TRPM2: variants seen among roughly 807,000 people sequenced by gnomAD.
TRPM2 encodes the protein estrogen-responsive element-associated gene 1 protein.
In TRPM2, 161 loss-of-function variants were observed where a neutral mutation model predicts 174.0. The ratio of observed to expected loss-of-function variants is 0.93; its 90% CI spans 0.81 to 1.05. The LOEUF (loss-of-function observed/expected upper bound fraction) is 1.05. TRPM2 is among the 50% of genes least tolerant of loss of function. The probability of loss-of-function intolerance (pLI) is 0.00; values close to 1 mark genes in which losing one functional copy is unlikely to be tolerated. For missense variants in TRPM2, 2,057 were observed against 2,038.0 expected (o/e 1.01, Z -0.18); for synonymous variants, 954 against 861.3 (o/e 1.11, Z -1.88).
rs372839724 is a variant in TRPM2, at chr21:44,382,855, A to G, written c.1318+35A>G. 2.4e-4 allele frequency: 378 copies of G among 1,583,092 alleles called. No homozygotes were observed. Among genetic ancestry groups the G allele is most frequent in the Admixed American group, 4.5e-4 (26 of 57,312 alleles). On this transcript the variant is annotated intron_variant, in intron 9 of 31. Coordinates refer to ENST00000397928, the MANE Select transcript of TRPM2 (RefSeq NM_003307.4). ...AGGGAACATGGGGGCAATGGGGTGG[A>G]GGCCAGAACGTGAGCTCTGAGGACG...
chr21:44,379,222 A>G (rs1400444191), intron 8 of TRPM2, 25 bp downstream of exon 8: 3 of 1,607,458 alleles, frequency 1.9e-6, no homozygotes, highest in Non-Finnish European at 2.5e-6. Context: ...CACGACGGTC[A>G]CCAGCATGTG....
chr21:44,353,612 T>C (rs926055339), upstream of TRPM2: 22 of 1,368,048 alleles, frequency 1.6e-5, no homozygotes, highest in Non-Finnish European at 2.0e-5. Context: ...AACCACCCCA[T>C]GTGTCTCTAG....
At position 44,366,559 on chromosome 21, in the gene TRPM2, G is replaced by A. The variant is rs2048367710; in HGVS notation, c.424-195G>A. Among the ~76,000 whole-genome samples the A allele has an allele frequency of 6.6e-6, 1 of 152,186 alleles. No homozygotes were observed. The highest frequency in any genetic ancestry group is 2.4e-5 in the African/African-American group (1 of 41,458). Reference sequence around the variant, plus strand: ...CCCCAAAGGATGGCCTGATGCTCCTGGCTTGGGCCTCTCTGCCTCCCTCTT... The same window carrying A: ...CCCCAAAGGATGGCCTGATGCTCCTAGCTTGGGCCTCTCTGCCTCCCTCTT... On this transcript the variant is annotated intron_variant, in intron 3 of 31. Coordinates refer to ENST00000397928, the MANE Select transcript of TRPM2 (RefSeq NM_003307.4). This position sits in a 1 kb window ranked among gnomAD's most constrained non-coding sequence, Gnocchi z 6.0.
intron 19 of TRPM2, among the ~76,000 whole-genome samples, chr21:44,406,989 G>T (rs1270474121): frequency 6.7e-6 from 1 of 149,860 alleles, no homozygotes; most frequent in Non-Finnish European, 1.5e-5. Context: ...GGGGGTGAGT[G>T]GTGCCACGCA....
chr21:44,378,113 C>T (rs1379770912), intron 7 of TRPM2, among the ~76,000 whole-genome samples: 1 of 152,162 alleles, frequency 6.6e-6, no homozygotes, highest in Non-Finnish European at 1.5e-5. Flanking sequence ...ACAACTCTGC[C>T]CCCAAGATTC....
Position 44,364,166 on chromosome 21 carries a change from A to G in TRPM2, c.307A>G (p.Thr103Ala), listed in dbSNP as rs766616550. Residue 103 changes from threonine (T) to alanine (A), a missense_variant, in exon 3 of 32, where the codon ACC becomes GCC. Transcript: ENST00000397928. ...YTHEQHLEEATKPHTFQGTQW... is the reference protein window; with the variant it reads ...YTHEQHLEEAAKPHTFQGTQW... ...GCATGAGCAGCACTTGGAGGAGGCT[A>G]CCAAGCCCCACACCTTCCAGGGCAC... 5 of 1,614,170 alleles carry G rather than the reference A, an allele frequency of 3.1e-6. No homozygotes were observed. The South Asian group carries it at 5.5e-5, about 18-fold the overall frequency.
At position 44,375,958 on chromosome 21, in the gene TRPM2, T is replaced by C. The variant is rs745895322; in HGVS notation, c.897T>C (p.Ile299=). The change falls in exon 6 of 32, where the codon ATT becomes ATC. Residue 299 remains isoleucine, a synonymous_variant. Coordinates refer to ENST00000397928, the MANE Select transcript of TRPM2 (RefSeq NM_003307.4). ...DGTHGQYGVE[I]PLRTRLEKFI... ...CCCACGGCCAGTACGGGGTGGAGAT[T>C]CCTCTGAGGACCAGGCTGGAGAAGT... 6.2e-7 allele frequency: 1 copy of C among 1,614,052 alleles called. No homozygotes were observed. Among genetic ancestry groups the C allele is most frequent in the Admixed American group, 1.7e-5 (1 of 60,018 alleles).
chr21:44,389,903 C>A (rs867422042), intron 9 of TRPM2, among the ~76,000 whole-genome samples: 1 of 142,380 alleles, frequency 7.0e-6, no homozygotes, highest in Non-Finnish European at 1.5e-5. Context: ...GATGGAGTCT[C>A]GCTCTGTTGC....
rs2048453275 is a variant in TRPM2, at chr21:44,369,308, A to G, written c.736A>G (p.Thr246Ala). 1.2e-6 allele frequency: 2 copies of G among 1,613,514 alleles called. No individual in the cohort carries two copies. The highest frequency in any genetic ancestry group is 1.7e-6 in the Non-Finnish European group (2 of 1,179,788). The change falls in exon 5 of 32, where the codon ACT (threonine) becomes GCT (alanine). Residue 246 changes from threonine to alanine, a missense_variant. By Grantham distance (58) the Thr-to-Ala change is moderately conservative (BLOSUM62 0). Transcript: ENST00000397928. ...LITIGVATWG[T>A]VHRREGLIHP... ...CACCATCGGAGTCGCCACCTGGGGCACTGTCCACCGCCGCGAGGGCCTGAT... is the reference window on the plus strand; with the variant it reads ...CACCATCGGAGTCGCCACCTGGGGCGCTGTCCACCGCCGCGAGGGCCTGAT...
At chr21:44,394,598 C>T (rs1455977095) in intron 11 of TRPM2, among the ~76,000 whole-genome samples, 2 of 151,494 alleles carry the variant, frequency 1.3e-5, no homozygotes, top group Non-Finnish European at 2.9e-5. Context: ...GGATTACAGG[C>T]GTGAGCCACC....
In TRPM2 at chr21:44,382,772, G is replaced by T. The variant is rs765798174; in HGVS notation, c.1270G>T (p.Asp424Tyr). The part of the protein sequence containing the change: ...QLLTVFREGK[D>Y]GQQDVDVAIL... Reference sequence around the variant, plus strand: ...GCTGACTGTCTTCCGGGAAGGCAAGGATGGTCAGCAGGACGTGGATGTGGC... The same window carrying T: ...GCTGACTGTCTTCCGGGAAGGCAAGTATGGTCAGCAGGACGTGGATGTGGC... Residue 424 changes from aspartate to tyrosine, a missense_variant, in exon 9 of 32, where the codon GAT becomes TAT. Asp to Tyr is a radical substitution (Grantham distance 160). Transcript: ENST00000397928. 6.2e-7 allele frequency: 1 copy of T among 1,614,016 alleles called. No homozygotes were observed. The highest frequency in any genetic ancestry group is 8.5e-7 in the Non-Finnish European group (1 of 1,180,028).
chr21:44,393,864 A>G (rs556769523), intron 11 of TRPM2, among the ~76,000 whole-genome samples: 1 of 151,326 alleles, frequency 6.6e-6, no homozygotes, highest in African/African-American at 2.4e-5. Flanking sequence ...CATGGGTATG[A>G]CTTGGTTTCT....
chr21:44,353,496 G>C, upstream of TRPM2: 1 of 645,756 alleles, frequency 1.5e-6, no homozygotes, highest in East Asian at 3.7e-5. Flanking sequence ...CTGGGAACAT[G>C]TGCAGGCTGA....
chr21:44,363,832 G>T (rs770231549), intron 2 of TRPM2, among the ~76,000 whole-genome samples: 1 of 152,140 alleles, frequency 6.6e-6, no homozygotes. Flanking sequence ...AAGGAAGGAG[G>T]TCCCCCCATC....
chr21:44,374,311 C>T (rs182337786), intron 5 of TRPM2, among the ~76,000 whole-genome samples: 11 of 152,154 alleles, frequency 7.2e-5, no homozygotes, highest in South Asian at 2.1e-4. Context: ...GTGCCTGGCC[C>T]GTATATATAT....
rs377381283 is a variant in TRPM2 at position 44,369,370 on chromosome 21, G to T, written c.771+27G>T. ...TGAGTGCGGCCCCCTAGGGAGGGGAGCCTAAGACCAGGGGTGTGGGTGAGG... is the reference window on the plus strand; with the variant it reads ...TGAGTGCGGCCCCCTAGGGAGGGGATCCTAAGACCAGGGGTGTGGGTGAGG... On this transcript the variant is annotated intron_variant, in intron 5 of 31. Coordinates refer to ENST00000397928, the MANE Select transcript of TRPM2 (RefSeq NM_003307.4). 26 of 1,589,832 alleles carry T rather than the reference G, an allele frequency of 1.6e-5. No individual in the cohort carries two copies. The African/African-American group carries it at 3.2e-4, about 20-fold the overall frequency.
In TRPM2 at chr21:44,427,005, C is replaced by T. The variant is rs1348130241; in HGVS notation, c.3873-5C>T. The stretch of plus-strand genomic sequence containing the variant: ...ACACAGACACGCCTTCTCCTCTGCT[C>T]CCAGCACCCTGGAGCCACTGTCCAC... On this transcript the variant is annotated splice_region_variant and splice_polypyrimidine_tract_variant and intron_variant, in intron 26 of 31. Coordinates refer to ENST00000397928, the MANE Select transcript of TRPM2 (RefSeq NM_003307.4). 2 of 1,589,616 alleles carry T rather than the reference C, an allele frequency of 1.3e-6. No individual in the cohort carries two copies. The highest frequency in any genetic ancestry group is 2.7e-5 in the African/African-American group (2 of 74,596).
At chr21:44,426,848 GAGGGGCCCGTGGGGGCCTGA>G (rs2050804461) in intron 26 of TRPM2, 112 bp downstream of exon 26, 6 of 1,449,284 alleles carry the variant, frequency 4.1e-6, no homozygotes, top group Admixed American at 3.6e-5. Flanking sequence ...AGGTGAGCAG[GAGGGGCCCGTGGGGGCCTGA>G]AGGGGCCCAG....
chr21:44,369,110 G>A (rs927413669), intron 4 of TRPM2, 67 bp from the exon 5 acceptor site: 17 of 1,395,120 alleles, frequency 1.2e-5, no homozygotes, highest in East Asian at 2.5e-5. Context: ...GGGCTCAGGC[G>A]TCAGGCTCCT....
Sources: allele counts gnomAD v4.1 joint callset (sites outside exome capture counted in the v4.1 genomes callset), GRCh38; gene constraint gnomAD v4.1.1; non-coding constraint Gnocchi (gnomAD v3.1); transcripts MANE v1.5; gene names NCBI Gene and HGNC (gene_info 2026-07-23, HGNC 2026-07-21).